The following CEP112 variants were observed in gnomAD, a reference collection of about 807,000 sequenced individuals.
The protein encoded by CEP112 is centrosomal protein of 112 kDa.
Under a neutral mutation model 153.0 loss-of-function variants are expected in CEP112, and 127 were observed. The ratio of observed to expected loss-of-function variants is 0.83; its 90% CI spans 0.72 to 0.96. The LOEUF (loss-of-function observed/expected upper bound fraction) is 0.96. CEP112 is among the 40% of genes least tolerant of loss of function. CEP112 has a pLI of 0.00. For synonymous variants in CEP112, 358 were observed against 374.4 expected (o/e 0.96, Z 0.51); for missense variants, 1,089 against 1,101.2 (o/e 0.99, Z 0.16).
chr17:65,638,671 G>A (rs926929668), intron 25 of CEP112, among the ~76,000 whole-genome samples: 11 of 152,020 alleles, frequency 7.2e-5, no homozygotes, highest in African/African-American at 2.2e-4. Context: ...CTCTGTAATC[G>A]GAATTCCAAC....
chr17:65,664,591 A>G (rs17693674), intron 24 of CEP112, among the ~76,000 whole-genome samples: 11,383 of 152,282 alleles, frequency 0.075, 575 homozygotes, highest in Non-Finnish European at 0.11. Context: ...GAATACAACT[A>G]AAGTGACATT....
chr17:65,774,046 C>T (rs2053533407), intron 21 of CEP112, among the ~76,000 whole-genome samples: 1 of 150,850 alleles, frequency 6.6e-6, no homozygotes, highest in Admixed American at 6.6e-5. Context: ...GAGATTGCAC[C>T]ACTGCACTCC....
intron 4 of CEP112, among the ~76,000 whole-genome samples, chr17:66,167,253 A>G (rs1389792830): frequency 6.6e-6 from 1 of 152,178 alleles, no homozygotes; most frequent in East Asian, 1.9e-4. Flanking sequence ...AAGCATGGTC[A>G]AACAATCTAA....
intron 24 of CEP112, among the ~76,000 whole-genome samples, chr17:65,649,044 C>T (rs2045591878): frequency 6.7e-6 from 1 of 150,238 alleles, no homozygotes; most frequent in African/African-American, 2.5e-5. Context: ...GAGTGAGAGT[C>T]TGTCTCAAAA....
intron 24 of CEP112, among the ~76,000 whole-genome samples, chr17:65,685,071 C>A (rs1280585965): frequency 1.3e-5 from 2 of 152,144 alleles, no homozygotes; most frequent in Non-Finnish European, 2.9e-5. Flanking sequence ...TCTCTTGAAT[C>A]TGCCCAAGGA....
rs181448026 is a variant in CEP112, at chr17:65,837,752, A to C, written c.2394+14052T>G. Among the ~76,000 whole-genome samples, 773 of 152,282 alleles carry C rather than the reference A, an allele frequency of 5.1e-3. 32 individuals are homozygous for C. Among genetic ancestry groups the C allele is most frequent in the Admixed American group, 0.042 (648 of 15,304 alleles). Reference sequence around the variant, plus strand: ...ATTTTGTTCTGTACTAAGAAAAATTATTCTGCCTTGGGATGCTGTTAATCT... The same window carrying C: ...ATTTTGTTCTGTACTAAGAAAAATTCTTCTGCCTTGGGATGCTGTTAATCT... On this transcript the variant is annotated intron_variant, in intron 21 of 26. Coordinates refer to ENST00000535342, the MANE Select transcript of CEP112 (RefSeq NM_001199165.4).
chr17:65,898,906 C>T (rs1347572249), intron 20 of CEP112, among the ~76,000 whole-genome samples: 3 of 152,142 alleles, frequency 2.0e-5, no homozygotes, highest in East Asian at 1.9e-4. Context: ...TGGCAACAAA[C>T]GTAAAACATC....
Position 65,681,945 on chromosome 17 carries a change from G to A in CEP112, c.2697+7184C>T, listed in dbSNP as rs572834263. 2.2e-4 allele frequency among the ~76,000 whole-genome samples: 34 copies of A among 151,770 alleles called. No homozygotes were observed. In the South Asian group the frequency reaches 5.0e-3, roughly 22 times the overall value. On this transcript the variant is annotated intron_variant, in intron 24 of 26. Coordinates refer to ENST00000535342, the MANE Select transcript of CEP112 (RefSeq NM_001199165.4). Reference sequence around the variant, plus strand: ...CCTGCTTGTCTCAGCCTCCCAAAGCGCTGGGATTACAGGCATGAGTCACCA... The same window carrying A: ...CCTGCTTGTCTCAGCCTCCCAAAGCACTGGGATTACAGGCATGAGTCACCA...
chr17:65,866,160 G>A (rs1281378274), intron 20 of CEP112, among the ~76,000 whole-genome samples: 3 of 152,180 alleles, frequency 2.0e-5, no homozygotes, highest in Non-Finnish European at 4.4e-5. Context: ...CCCCAACAGG[G>A]TCAGAGATGT....
intron 23 of CEP112, among the ~76,000 whole-genome samples, chr17:65,708,067 G>T (rs1478529502): frequency 1.3e-5 from 2 of 152,070 alleles, no homozygotes; most frequent in African/African-American, 4.8e-5. Flanking sequence ...GGTTAGCATG[G>T]CTTCTTTGAA....
intron 21 of CEP112, chr17:65,751,056 C>A: frequency 4.6e-6 from 1 of 218,244 alleles, no homozygotes; most frequent in Non-Finnish European, 8.9e-6. Context: ...ACAAGAGGGG[C>A]AAGGAAAAGG....
intron 22 of CEP112, among the ~76,000 whole-genome samples, chr17:65,747,272 T>A (rs568239726): frequency 1.3e-5 from 2 of 151,366 alleles, no homozygotes; most frequent in South Asian, 4.2e-4. Flanking sequence ...GGATGCCTTG[T>A]GCATTCTGGG....
In CEP112 at chr17:65,867,659, T is replaced by C. The variant is rs917419187; in HGVS notation, c.2164-15625A>G. Among the ~76,000 whole-genome samples the C allele has an allele frequency of 2.0e-5, 3 of 152,212 alleles. No homozygotes were observed. The East Asian group carries it at 5.8e-4, about 29-fold the overall frequency. ...TAGCTATTTACTTTAATGGAGCCTA[T>C]ACATTTAAATTCTCCTTACCTCTTT... On this transcript the variant is annotated intron_variant, in intron 20 of 26. Transcript: ENST00000535342.
At chr17:65,995,264 G>A (rs193156143) in intron 17 of CEP112, among the ~76,000 whole-genome samples, 144 of 152,238 alleles carry the variant, frequency 9.5e-4, no homozygotes, top group Admixed American at 1.6e-3. Context: ...TGGGGACAAG[G>A]AAGTGGGTAA....
chr17:66,039,871 T>G (rs1193602180), intron 12 of CEP112, among the ~76,000 whole-genome samples: 1 of 152,210 alleles, frequency 6.6e-6, no homozygotes, highest in South Asian at 2.1e-4. Context: ...TCATGCATAT[T>G]ATATGCCTAT....
intron 23 of CEP112, among the ~76,000 whole-genome samples, chr17:65,706,768 C>T (rs2048935929): frequency 6.6e-6 from 1 of 152,328 alleles, no homozygotes; most frequent in Middle Eastern, 3.4e-3. Context: ...AATATTTCTC[C>T]TCTTCAGCCC....
chr17:66,105,546 C>A (rs543234730), intron 6 of CEP112, among the ~76,000 whole-genome samples: 2 of 152,276 alleles, frequency 1.3e-5, no homozygotes, highest in South Asian at 2.1e-4. Context: ...GTAATCCCAG[C>A]ACTTTGGGAG....
chr17:66,162,896 TATTTTG>T (rs1391415620), intron 4 of CEP112, among the ~76,000 whole-genome samples: 4 of 152,160 alleles, frequency 2.6e-5, no homozygotes, highest in Non-Finnish European at 5.9e-5. Context: ...ATGTGTGTTG[TATTTTG>T]ATTTTAACAT....
intron 20 of CEP112, among the ~76,000 whole-genome samples, chr17:65,871,674 A>T (rs1412646805): frequency 4.6e-5 from 7 of 152,180 alleles, no homozygotes; most frequent in Non-Finnish European, 8.8e-5. Context: ...AAATAAATAC[A>T]TGCAGAGAGA....
Sources: gnomAD v4.1 joint callset for allele counts (sites outside exome capture counted in the v4.1 genomes callset) on GRCh38, gnomAD v4.1.1 for gene constraint, MANE v1.5 for transcripts, NCBI Gene and HGNC (gene_info 2026-07-23, HGNC 2026-07-21) for gene names.